CCDC102B: variants seen among roughly 807,000 people sequenced by gnomAD.
CCDC102B encodes the protein coiled-coil domain containing 102B.
Under a neutral mutation model 57.4 loss-of-function variants are expected in CCDC102B, and 75 were observed. The observed-to-expected ratio is 1.31, with a 90% confidence interval of 1.08 to 1.58. The LOEUF (loss-of-function observed/expected upper bound fraction) is 1.58. Ranked by LOEUF, CCDC102B falls within the 40% of genes most tolerant of loss-of-function variation. The pLI is 0.00. For missense variants in CCDC102B, 636 were observed against 582.6 expected (o/e 1.09, Z -0.94); for synonymous variants, 206 against 201.9 (o/e 1.02, Z -0.17).
At chr18:68,773,956 T>C (rs1264192019) in intron 2 of CCDC102B, among the ~76,000 whole-genome samples, 1 of 151,900 alleles carries the variant, frequency 6.6e-6, no homozygotes, top group African/African-American at 2.4e-5. Flanking sequence ...ATGTATGCCT[T>C]TTCTTTCAAT....
chr18:68,718,995 G>A (rs1353769662), intron 2 of CCDC102B, among the ~76,000 whole-genome samples: 1 of 152,036 alleles, frequency 6.6e-6, no homozygotes, highest in African/African-American at 2.4e-5. Flanking sequence ...ACTAGAACCA[G>A]AAGAAGAGCA....
chr18:68,896,067 G>A (rs1470444461), intron 5 of CCDC102B, among the ~76,000 whole-genome samples: 2 of 151,908 alleles, frequency 1.3e-5, no homozygotes, highest in African/African-American at 4.8e-5. Flanking sequence ...CTACATTGGG[G>A]TAGATGAAGT....
chr18:68,899,442 T>C (rs559647429), intron 6 of CCDC102B, among the ~76,000 whole-genome samples: 42 of 151,990 alleles, frequency 2.8e-4, no homozygotes, highest in African/African-American at 2.2e-4. Context: ...TATATATATA[T>C]ACACACACCA....
intron 6 of CCDC102B, among the ~76,000 whole-genome samples, chr18:68,946,633 A>T (rs2145184857): frequency 1.3e-5 from 2 of 152,114 alleles, no homozygotes; most frequent in South Asian, 4.1e-4. Flanking sequence ...TCAAAACCAG[A>T]TATTACTGGT....
At chr18:68,956,585 T>A (rs1229612655) in intron 6 of CCDC102B, among the ~76,000 whole-genome samples, 1 of 51,510 alleles carries the variant, frequency 1.9e-5, no homozygotes, top group African/African-American at 8.1e-5. Flanking sequence ...TATATATAAA[T>A]ATTATATATA....
chr18:69,042,105 G>A (rs568758543), intron 7 of CCDC102B, among the ~76,000 whole-genome samples: 9 of 152,144 alleles, frequency 5.9e-5, no homozygotes, highest in South Asian at 2.1e-4. Context: ...AAGAAGAAAC[G>A]AAAATAAGGG....
At chr18:68,966,704 C>T (rs1456597187) in intron 6 of CCDC102B, among the ~76,000 whole-genome samples, 6 of 151,976 alleles carry the variant, frequency 3.9e-5, no homozygotes, top group Non-Finnish European at 8.8e-5. Flanking sequence ...GTAGAATATC[C>T]CCCAATATTC....
intron 2 of CCDC102B, among the ~76,000 whole-genome samples, chr18:68,780,693 G>A (rs2034978120): frequency 6.6e-6 from 1 of 152,046 alleles, no homozygotes; most frequent in African/African-American, 2.4e-5. Flanking sequence ...TCCGACAGGT[G>A]GATTCTGACA....
At chr18:68,813,634 G>A (rs192878792) in intron 1 of CCDC102B, among the ~76,000 whole-genome samples, 26 of 152,146 alleles carry the variant, frequency 1.7e-4, no homozygotes, top group African/African-American at 6.0e-4. Context: ...AGGAGGCCGG[G>A]AGAGTGGAGC....
chr18:68,733,971 G>T (rs2033013543), intron 2 of CCDC102B, among the ~76,000 whole-genome samples: 1 of 152,096 alleles, frequency 6.6e-6, no homozygotes, highest in Non-Finnish European at 1.5e-5. Flanking sequence ...TCCAGGAGAG[G>T]TCACAGATAC....
chr18:68,796,843 A>ATGCG (rs1491129275), upstream of CCDC102B, among the ~76,000 whole-genome samples: 1 of 146,992 alleles, frequency 6.8e-6, no homozygotes, highest in African/African-American at 2.5e-5. Context: ...ATGTACATGC[A>ATGCG]TGTGTGTGTG....
At chr18:68,779,525 A>G (rs565732805) in intron 2 of CCDC102B, among the ~76,000 whole-genome samples, 1 of 150,088 alleles carries the variant, frequency 6.7e-6, no homozygotes, top group Non-Finnish European at 1.5e-5. Flanking sequence ...GAAATTCAAT[A>G]ATGTACATCA....
chr18:68,998,983 TATATATATATATATATAG>T (rs1419110171), intron 6 of CCDC102B, among the ~76,000 whole-genome samples: 96 of 66,416 alleles, frequency 1.4e-3, no homozygotes, highest in African/African-American at 3.3e-3. Context: ...TATATATATA[TATATATATATATATATAG>T]AGAGAGAGAG....
intron 2 of CCDC102B, among the ~76,000 whole-genome samples, chr18:68,789,868 G>A (rs1224924934): frequency 1.3e-5 from 2 of 151,876 alleles, no homozygotes; most frequent in Non-Finnish European, 2.9e-5. Context: ...TTCCGTTGCT[G>A]GTGAGGAACT....
chr18:68,788,851 T>C (rs1400041866), intron 2 of CCDC102B, among the ~76,000 whole-genome samples: 2 of 152,274 alleles, frequency 1.3e-5, no homozygotes, highest in East Asian at 3.9e-4. Context: ...TATTGTTATG[T>C]GTGAATTTGA....
At chr18:69,041,088 T>G (rs1306827439) in intron 7 of CCDC102B, among the ~76,000 whole-genome samples, 1 of 152,142 alleles carries the variant, frequency 6.6e-6, no homozygotes, top group East Asian at 1.9e-4. Context: ...AAATATGGCA[T>G]TGGCTATTTT....
At chr18:68,781,583 A>T (rs969921340) in intron 2 of CCDC102B, among the ~76,000 whole-genome samples, 1 of 152,286 alleles carries the variant, frequency 6.6e-6, no homozygotes, top group Admixed American at 6.5e-5. Context: ...ACTTCTGTGT[A>T]ATATATAGTT....
intron 2 of CCDC102B, 111 bp from the exon 3 acceptor site, chr18:68,838,595 A>C: frequency 6.9e-7 from 1 of 1,457,454 alleles, no homozygotes; most frequent in South Asian, 1.5e-5. Context: ...TAATGAAATA[A>C]AAATATGAAT....
intron 6 of CCDC102B, among the ~76,000 whole-genome samples, chr18:68,929,843 CAT>C (rs75828338): frequency 2.9e-4 from 44 of 151,488 alleles, no homozygotes; most frequent in African/African-American, 7.3e-4. Flanking sequence ...CACACACACA[CAT>C]ATATATATGC....
Sources: allele counts gnomAD v4.1 joint callset (sites outside exome capture counted in the v4.1 genomes callset), GRCh38; gene constraint gnomAD v4.1.1; transcripts MANE v1.5; gene names NCBI Gene and HGNC (gene_info 2026-07-23, HGNC 2026-07-21).